Variants in FHIP1B observed in about 807,000 individuals in gnomAD.
The protein encoded by FHIP1B is FHF complex subunit HOOK-interacting protein 1B.
FHIP1B carries 28 observed loss-of-function variants against 82.2 expected under a neutral mutation model. The ratio of observed to expected loss-of-function variants is 0.34; its 90% CI spans 0.25 to 0.47. The LOEUF (loss-of-function observed/expected upper bound fraction) is 0.47. FHIP1B is among the 20% of genes least tolerant of loss of function. FHIP1B has a pLI of 1.00. For missense variants in FHIP1B, 1,110 were observed against 1,262.6 expected, an observed-to-expected ratio of 0.88 and a Z score of 1.83; for synonymous variants, 585 against 516.1, an observed-to-expected ratio of 1.13 and a Z score of -1.81.
chr11:6,211,452 G>A lies in FHIP1B; in HGVS notation c.*54C>T. The A allele has an allele frequency of 6.6e-7, 1 of 1,512,990 alleles. No homozygotes were observed. Among genetic ancestry groups the A allele is most frequent in the Non-Finnish European group, 8.8e-7 (1 of 1,135,152 alleles). 93.7% of individuals were successfully genotyped at this position (1,512,990 alleles called of 1,614,324 possible). On this transcript the variant is annotated 3_prime_UTR_variant, in exon 12 of 12. Transcript: ENST00000449352. ...TGCCTCCAAACATAAAAAGGAGCCT[G>A]TGCCCTAGCCCCAGCCCGGGCCACC... is the stretch of plus-strand genomic sequence containing the variant.
chr11:6,222,841 C>G lies in FHIP1B; in HGVS notation c.993G>C (p.Leu331=). 6.2e-7 allele frequency: 1 copy of G among 1,614,122 alleles called. No homozygotes were observed. The highest frequency in any genetic ancestry group is 2.2e-5 in the East Asian group (1 of 44,878). The change falls in exon 5 of 12, where the codon CTG becomes CTC. Residue 331 remains leucine (L), a synonymous_variant. Coordinates refer to ENST00000449352, the MANE Select transcript of FHIP1B (RefSeq NM_001098794.2). ...GCAAGGCAGGACCCATGACAGGCAC[C>G]AGGAACCCATTATGGATATAATCAA... ...QLVDYIHNGF[L]VPVMGPALHK... is the part of the protein sequence containing the mutation.
intron 11 of FHIP1B, among the ~76,000 whole-genome samples, chr11:6,214,179 T>C (rs945753675): frequency 6.6e-6 from 1 of 152,204 alleles, no homozygotes; most frequent in Non-Finnish European, 1.5e-5. Flanking sequence ...TCTGTCCTCT[T>C]TCTTGTCCCC....
At position 6,222,504 on chromosome 11, in the gene FHIP1B, G is replaced by C. The variant is rs1287839719; in HGVS notation, c.1129C>G (p.His377Asp). ...AGGATGGTGTGGGTGTCATGCCGGT[G>C]CAACAACAGGAATCGCAGGAAGGTA... ...LRTFLRFLLLHRHDTHTILDT... is the reference protein window; with the variant it reads ...LRTFLRFLLLDRHDTHTILDT... The change falls in exon 6 of 12, where the codon CAC (histidine) becomes GAC (aspartate). Residue 377 changes from histidine (H) to aspartate (D), a missense_variant. Around this residue, in one of 6 missense-constraint regions of FHIP1B, gnomAD observed 467 missense variants for 602.9 expected, o/e 0.77. Transcript: ENST00000449352. 1 of 1,614,076 alleles carries C rather than the reference G, an allele frequency of 6.2e-7. No homozygotes were observed. Among genetic ancestry groups the C allele is most frequent in the East Asian group, 2.2e-5 (1 of 44,868 alleles).
Position 6,224,365 on chromosome 11 carries a change from A to C in FHIP1B, c.138+14T>G. ...TGATCAGCAGACAAGGCCCTTTGCCATACAGTCTCCTACCTGGGACCAGTG... is the reference window on the plus strand; with the variant it reads ...TGATCAGCAGACAAGGCCCTTTGCCCTACAGTCTCCTACCTGGGACCAGTG... On this transcript the variant is annotated intron_variant, in intron 2 of 11. Transcript: ENST00000449352. 6.2e-7 allele frequency: 1 copy of C among 1,614,238 alleles called. No homozygotes were observed. The highest frequency in any genetic ancestry group is 8.5e-7 in the Non-Finnish European group (1 of 1,180,038).
chr11:6,211,799 GC>G lies in FHIP1B; in HGVS notation c.2625del (p.Gln876ArgfsTer18). The stretch of plus-strand genomic sequence containing the variant: ...GGCTGAAGGACCAATTGTGCCGCCT[GC>G]CGGGCCCTGGTTGGACTGTGTGCAT... Reference protein sequence around the residue: ...LRHAHSPTRARQAAQLVLQPG... With the variant: ...LRHAHSPTRAXQAAQLVLQPG... On this transcript the variant is annotated frameshift_variant, in exon 12 of 12. Transcript: ENST00000449352. LOFTEE classifies it high-confidence loss of function. The G allele has an allele frequency of 6.2e-7, 1 of 1,612,990 alleles. No homozygotes were observed. The highest frequency in any genetic ancestry group is 8.5e-7 in the Non-Finnish European group (1 of 1,179,476).
In FHIP1B at chr11:6,222,522, G is replaced by C; in HGVS notation, c.1111C>G (p.Leu371Val). Residue 371 changes from leucine (L) to valine (V), a missense_variant, in exon 6 of 12, where the codon CTG (leucine) becomes GTG (valine). This residue lies in a region of FHIP1B where 467 missense variants were observed against 602.9 expected (regional missense o/e 0.77). Coordinates refer to ENST00000449352, the MANE Select transcript of FHIP1B (RefSeq NM_001098794.2). ...TGCCGGTGCAACAACAGGAATCGCA[G>C]GAAGGTACGGAGCAAAGCAGGCTCT... ...ISEPALLRTF[L>V]RFLLLHRHDT... 2 of 1,614,116 alleles carry C rather than the reference G, an allele frequency of 1.2e-6. No individual in the cohort carries two copies.
intron 1 of FHIP1B, among the ~76,000 whole-genome samples, chr11:6,232,831 T>C (rs1301572768): frequency 6.6e-6 from 1 of 152,186 alleles, no homozygotes; most frequent in East Asian, 1.9e-4. Flanking sequence ...GGTTGACACT[T>C]TTTATTTGGG....
chr11:6,217,609 T>C lies in FHIP1B; in HGVS notation c.1977A>G (p.Glu659=), dbSNP rs1204876035. 4 of 1,613,648 alleles carry C rather than the reference T, an allele frequency of 2.5e-6. No homozygotes were observed. Among genetic ancestry groups the C allele is most frequent in the East Asian group, 4.5e-5 (2 of 44,834 alleles). ...TGCCCTCGGAGATGCCCTCTAGCAGTTCCCCAGCTCCCTCCTTTGGCACCA... is the reference window on the plus strand; with the variant it reads ...TGCCCTCGGAGATGCCCTCTAGCAGCTCCCCAGCTCCCTCCTTTGGCACCA... ...VRLVPKEGAG[E]LLEGISEGMA... is the part of the protein sequence containing the mutation. The change falls in exon 9 of 12, where the codon GAA becomes GAG. Residue 659 remains glutamate (E), a synonymous_variant. Transcript: ENST00000449352.
Position 6,223,141 on chromosome 11 carries a change from A to G in FHIP1B, c.875T>C (p.Leu292Pro), listed in dbSNP as rs1330613310. 1 of 1,603,036 alleles carries G rather than the reference A, an allele frequency of 6.2e-7. No individual in the cohort carries two copies. Among genetic ancestry groups the G allele is most frequent in the Non-Finnish European group, 8.5e-7 (1 of 1,177,378 alleles). Residue 292 changes from leucine (L) to proline (P), a missense_variant, in exon 4 of 12, where the codon CTG (leucine) becomes CCG (proline). Leu to Pro is a moderately conservative substitution (Grantham distance 98, BLOSUM62 -3). This residue lies in a region of FHIP1B where 467 missense variants were observed against 602.9 expected (regional missense o/e 0.77). Transcript: ENST00000449352. This position sits in a 1 kb window ranked among gnomAD's most constrained non-coding sequence, Gnocchi z 4.8. ...GAAGAGTGCAAGGGCTGGCACTCCC[A>G]GCCAGTCTTCCCGTCGCAGACAGTG... ...DWHCLRREDW[L>P]GVPALALFMS...
At position 6,222,451 on chromosome 11, in the gene FHIP1B, A is replaced by G; in HGVS notation, c.1182T>C (p.Ser394=). ...GGGGTAAGGGCCATACCCGGGAGTTACTGCCAATACGAGCAACGAGGGTGT... is the reference window on the plus strand; with the variant it reads ...GGGGTAAGGGCCATACCCGGGAGTTGCTGCCAATACGAGCAACGAGGGTGT... ...ILDTLVARIG[S]NSRLCMVSLS... The change falls in exon 6 of 12, where the codon AGT becomes AGC. Residue 394 remains serine (S), a synonymous_variant. Coordinates refer to ENST00000449352, the MANE Select transcript of FHIP1B (RefSeq NM_001098794.2). The G allele has an allele frequency of 6.2e-7, 1 of 1,613,926 alleles. No homozygotes were observed. Among genetic ancestry groups the G allele is most frequent in the Non-Finnish European group, 8.5e-7 (1 of 1,179,994 alleles).
In FHIP1B at chr11:6,219,010, T is replaced by C; in HGVS notation, c.1232A>G (p.Asn411Ser). Residue 411 changes from asparagine (N) to serine (S), a missense_variant, in exon 7 of 12, where the codon AAC becomes AGC. By Grantham distance (46) the Asn-to-Ser change is conservative. Around this residue, in one of 6 missense-constraint regions of FHIP1B, gnomAD observed 467 missense variants for 602.9 expected, o/e 0.77. Coordinates refer to ENST00000449352, the MANE Select transcript of FHIP1B (RefSeq NM_001098794.2). ...CAGCAGGACATCCTCACAGCTGAGG[T>C]TCAGGAGGGTCCTGAAGAGACTCAG... The part of the protein sequence containing the change: ...VSLSLFRTLL[N>S]LSCEDVLLQL... The C allele has an allele frequency of 1.2e-6, 2 of 1,613,554 alleles. No individual in the cohort carries two copies.
intron 5 of FHIP1B, 36 bp from the exon 6 acceptor site, chr11:6,222,645 G>A (rs202218514): frequency 2.0e-4 from 324 of 1,608,094 alleles, no homozygotes; most frequent in Non-Finnish European, 2.6e-4. Context: ...GAAATGCACA[G>A]CTTCCCTGCA....
rs1432388574 is a variant in FHIP1B, at chr11:6,217,600, CT to C, written c.1985del (p.Glu662GlyfsTer10). 6.2e-7 allele frequency: 1 copy of C among 1,613,524 alleles called. No homozygotes were observed. The highest frequency in any genetic ancestry group is 8.5e-7 in the Non-Finnish European group (1 of 1,179,756). On this transcript the variant is annotated frameshift_variant, in exon 9 of 12. Coordinates refer to ENST00000449352, the MANE Select transcript of FHIP1B (RefSeq NM_001098794.2). LOFTEE classifies it high-confidence loss of function. Reference sequence around the variant, plus strand: ...GTCCTGCCATGCCCTCGGAGATGCCCTCTAGCAGTTCCCCAGCTCCCTCCTT... The same window carrying C: ...GTCCTGCCATGCCCTCGGAGATGCCCCTAGCAGTTCCCCAGCTCCCTCCTT... The part of the protein sequence containing the change: ...VPKEGAGELL[E>X]GISEGMAGLE...
chr11:6,217,758 C>A lies in FHIP1B; in HGVS notation c.1828G>T (p.Glu610Ter). ...CCCCTCCTCCCCAGCTCTTCCTCCT[C>A]CCCTTCCCCCACGTTGTTCCTGTCC... ...EEDRNNVGEG[E>*]EEELGRRGRA... Residue 610 changes from glutamate (E) to a stop codon, truncating the protein, a stop_gained, in exon 9 of 12, where the codon GAG becomes TAG. Transcript: ENST00000449352. LOFTEE classifies it high-confidence loss of function. 6.3e-7 allele frequency: 1 copy of A among 1,598,200 alleles called. No individual in the cohort carries two copies.
chr11:6,218,479 C>CA (rs1411398947), intron 8 of FHIP1B, 121 bp downstream of exon 8: 27 of 1,462,262 alleles, frequency 1.8e-5, no homozygotes, highest in Non-Finnish European at 2.3e-5. Flanking sequence ...TCCCCAAAGA[C>CA]AGACTATCAT....
intron 9 of FHIP1B, chr11:6,215,128 A>C: frequency 2.4e-6 from 1 of 421,834 alleles, no homozygotes; most frequent in Non-Finnish European, 4.2e-6. Context: ...CTTTACACAC[A>C]TTCAAGCTGA....
Position 6,222,803 on chromosome 11 carries a change from A to G in FHIP1B, c.1023+8T>C. Reference sequence around the variant, plus strand: ...CCCCTTATATGCCTTGCCACCCATGACTCTCACCTTGTGCAAGGCAGGACC... The same window carrying G: ...CCCCTTATATGCCTTGCCACCCATGGCTCTCACCTTGTGCAAGGCAGGACC... On this transcript the variant is annotated splice_region_variant and intron_variant, in intron 5 of 11. Coordinates refer to ENST00000449352, the MANE Select transcript of FHIP1B (RefSeq NM_001098794.2). The G allele has an allele frequency of 6.2e-7, 1 of 1,613,500 alleles. No individual in the cohort carries two copies. Among genetic ancestry groups the G allele is most frequent in the Non-Finnish European group, 8.5e-7 (1 of 1,179,648 alleles).
rs1468983666 is a variant in FHIP1B, at chr11:6,228,628, A to G, written c.-191-3921T>C. Among the ~76,000 whole-genome samples, 2 of 152,244 alleles carry G rather than the reference A, an allele frequency of 1.3e-5. 1 individual carries two copies. The highest frequency in any genetic ancestry group is 1.3e-4 in the Admixed American group (2 of 15,280). The stretch of plus-strand genomic sequence containing the variant: ...CTTCAGGCAAATCTGAACATGAAGA[A>G]AGACAGAAGCTAACATCCAATCCAC... On this transcript the variant is annotated intron_variant, in intron 1 of 11. Transcript: ENST00000449352.
At position 6,214,509 on chromosome 11, in the gene FHIP1B, A is replaced by G; in HGVS notation, c.2459T>C (p.Leu820Pro). Residue 820 changes from leucine (L) to proline (P), a missense_variant, in exon 11 of 12, where the codon CTG becomes CCG. By Grantham distance (98) the Leu-to-Pro change is moderately conservative. Around this residue, in one of 6 missense-constraint regions of FHIP1B, gnomAD observed 147 missense variants for 154.0 expected, o/e 0.95. Transcript: ENST00000449352. ...FAASQEDFPA[L>P]LSKAKKYLIA... ...GAGGTACTTCTTGGCTTTGGACAGC[A>G]GTGCTGGGAAGTCCTCCTGGGAAGC... 6.2e-7 allele frequency: 1 copy of G among 1,614,200 alleles called. No homozygotes were observed. Among genetic ancestry groups the G allele is most frequent in the Non-Finnish European group, 8.5e-7 (1 of 1,180,012 alleles).
Sources: gnomAD v4.1 joint callset for allele counts (sites outside exome capture counted in the v4.1 genomes callset) on GRCh38, gnomAD v4.1.1 for gene constraint, gnomAD v4.1.1 regional missense constraint, Gnocchi (gnomAD v3.1) non-coding constraint, MANE v1.5 for transcripts, NCBI Gene and HGNC (gene_info 2026-07-23, HGNC 2026-07-21) for gene names.